The following USP13 variants were observed in gnomAD, a reference collection of about 807,000 sequenced individuals.
The protein encoded by USP13 is ubiquitin specific peptidase 13.
USP13 carries 68 observed loss-of-function variants against 107.8 expected under a neutral mutation model. The ratio of observed to expected loss-of-function variants is 0.63; its 90% CI spans 0.52 to 0.77. USP13 has a LOEUF of 0.77. Ranked by LOEUF, USP13 falls within the 30% of genes least tolerant of loss-of-function variation. USP13 has a pLI of 0.00. For synonymous variants in USP13, 377 were observed against 389.5 expected, an observed-to-expected ratio of 0.97 and a Z score of 0.38; for missense variants, 945 against 1,093.3, an observed-to-expected ratio of 0.86 and a Z score of 1.91.
chr3:179,785,101 T>C lies in USP13; in HGVS notation c.*960T>C, dbSNP rs1424775924. 1 of 152,194 alleles carries C rather than the reference T, an allele frequency of 6.6e-6. No homozygotes were observed. Among genetic ancestry groups the C allele is most frequent in the East Asian group, 1.9e-4 (1 of 5,200 alleles). 9.4% of individuals were successfully genotyped at this position (152,194 alleles called of 1,614,324 possible). ...CTTTCCCCAAAAGGTATGGTGTTTATTTTTAGTAAAAATAGCTAATCTCTT... is the reference window on the plus strand; with the variant it reads ...CTTTCCCCAAAAGGTATGGTGTTTACTTTTAGTAAAAATAGCTAATCTCTT... On this transcript the variant is annotated 3_prime_UTR_variant, in exon 21 of 21. Coordinates refer to ENST00000263966, the MANE Select transcript of USP13 (RefSeq NM_003940.3).
chr3:179,774,994 C>T (rs1466629125), intron 19 of USP13, among the ~76,000 whole-genome samples: 1 of 152,010 alleles, frequency 6.6e-6, no homozygotes, highest in Non-Finnish European at 1.5e-5. Context: ...CGTTTACAAA[C>T]CTTGAGCTAG....
chr3:179,655,203 T>G (rs1447012131), intron 1 of USP13, among the ~76,000 whole-genome samples: 2 of 152,216 alleles, frequency 1.3e-5, no homozygotes. Flanking sequence ...TCCCCATGTT[T>G]TGATTTGGGC....
rs1560079277 is a variant in USP13 at position 179,764,215 on chromosome 3, G to C, written c.2259+47G>C. 2.0e-6 allele frequency: 3 copies of C among 1,465,138 alleles called. No individual in the cohort carries two copies. The Admixed American group carries it at 6.4e-5, about 31-fold the overall frequency. The allele number at this position is 1,465,138 out of a possible 1,614,324, so 90.8% of individuals were successfully genotyped here. A position where few individuals can be genotyped will look rare whatever the true frequency, so the allele number is the denominator to read the frequency against. ...TGTGTGTGTGTGTGTGTGTGTGTGTGAATTTATTTCTGTAGCAGTTGAGAC... is the reference window on the plus strand; with the variant it reads ...TGTGTGTGTGTGTGTGTGTGTGTGTCAATTTATTTCTGTAGCAGTTGAGAC... On this transcript the variant is annotated intron_variant, in intron 18 of 20. Transcript: ENST00000263966.
chr3:179,684,312 C>CAT (rs1348242757), intron 2 of USP13, among the ~76,000 whole-genome samples: 1 of 141,672 alleles, frequency 7.1e-6, no homozygotes, highest in Non-Finnish European at 1.5e-5. Flanking sequence ...CACACACACA[C>CAT]ATTTTGTTTG....
At chr3:179,758,992 T>G (rs1714910364) in intron 16 of USP13, among the ~76,000 whole-genome samples, 1 of 151,708 alleles carries the variant, frequency 6.6e-6, no homozygotes, top group South Asian at 2.1e-4. Context: ...ACACATTTCT[T>G]TTTTTTTGAG....
intron 8 of USP13, among the ~76,000 whole-genome samples, chr3:179,723,651 A>T (rs1286303634): frequency 6.6e-6 from 1 of 152,192 alleles, no homozygotes; most frequent in Non-Finnish European, 1.5e-5. Context: ...TATATTACTA[A>T]TATTTTACAT....
Position 179,653,409 on chromosome 3 carries a change from C to A in USP13, c.168+16C>A. 1 of 1,548,876 alleles carries A rather than the reference C, an allele frequency of 6.5e-7. No individual in the cohort carries two copies. Among genetic ancestry groups the A allele is most frequent in the Non-Finnish European group, 8.7e-7 (1 of 1,145,200 alleles). The stretch of plus-strand genomic sequence containing the variant: ...CGACTCTCCCGTAAGTGAGGCGCCT[C>A]GGGGGAGGGTCGCGGGGCCGGCGGC... On this transcript the variant is annotated intron_variant, in intron 1 of 20. Transcript: ENST00000263966. This position sits in a 1 kb window ranked among gnomAD's most constrained non-coding sequence, Gnocchi z 4.0.
At position 179,789,004 on chromosome 3, in the gene USP13, C is replaced by G. The variant is rs1271682913; in HGVS notation, c.*4863C>G. ...TTCAGCTTTGCCTGGGAGCTGCTAC[C>G]TTTGCTCTTCTAGCATCTTCTAGGT... On this transcript the variant is annotated 3_prime_UTR_variant, in exon 21 of 21. Transcript: ENST00000263966. 6.6e-6 allele frequency: 1 copy of G among 152,194 alleles called. No homozygotes were observed. The highest frequency in any genetic ancestry group is 1.5e-5 in the Non-Finnish European group (1 of 68,050). 9.4% of individuals were successfully genotyped at this position (152,194 alleles called of 1,614,324 possible).
At chr3:179,702,401 G>A (rs1161469868) in intron 4 of USP13, among the ~76,000 whole-genome samples, 4 of 152,164 alleles carry the variant, frequency 2.6e-5, no homozygotes, top group Non-Finnish European at 5.9e-5. Context: ...GTGGGGCCAG[G>A]GTGGGTTGAG....
intron 1 of USP13, among the ~76,000 whole-genome samples, chr3:179,670,981 A>C (rs1383507374): frequency 1.3e-5 from 2 of 151,920 alleles, no homozygotes; most frequent in Non-Finnish European, 2.9e-5. Flanking sequence ...ACAGGTGTGA[A>C]CCACCATGTC....
chr3:179,779,767 C>T (rs1185257698), intron 19 of USP13, among the ~76,000 whole-genome samples: 3 of 150,084 alleles, frequency 2.0e-5, no homozygotes, highest in Admixed American at 2.0e-4. Context: ...AAAAAAACCA[C>T]TCTGGCAGCT....
At chr3:179,778,320 T>G (rs1715616862) in intron 19 of USP13, among the ~76,000 whole-genome samples, 1 of 152,224 alleles carries the variant, frequency 6.6e-6, no homozygotes, top group African/African-American at 2.4e-5. Context: ...ATTTATACAT[T>G]TAACAGATAC....
At chr3:179,690,342 G>A (rs1221516156) in intron 3 of USP13, 41 bp downstream of exon 3, 1 of 1,569,410 alleles carries the variant, frequency 6.4e-7, no homozygotes, top group South Asian at 1.1e-5. Flanking sequence ...TTGTGTTTGT[G>A]TGTGTGTATA....
intron 1 of USP13, among the ~76,000 whole-genome samples, chr3:179,663,064 C>G (rs1396086465): frequency 2.0e-5 from 3 of 152,184 alleles, no homozygotes; most frequent in Non-Finnish European, 4.4e-5. Context: ...CACTGTTTTG[C>G]AGTTATCACC....
chr3:179,653,534 C>G lies in USP13; in HGVS notation c.168+141C>G. 8.2e-7 allele frequency: 1 copy of G among 1,215,338 alleles called. No homozygotes were observed. Among genetic ancestry groups the G allele is most frequent in the Non-Finnish European group, 1.1e-6 (1 of 886,688 alleles). 75.3% of individuals were successfully genotyped at this position (1,215,338 alleles called of 1,614,324 possible). A position where few individuals can be genotyped will look rare whatever the true frequency, so the allele number is the denominator to read the frequency against. ...TTGGCTCAGGAACACTGCAGTTCGG[C>G]AGACACTTAGTGAGCGCCCCAGGGC... On this transcript the variant is annotated intron_variant, in intron 1 of 20. Transcript: ENST00000263966. The surrounding 1 kb of genome is among the most constrained non-coding windows in gnomAD (Gnocchi z 4.0).
intron 12 of USP13, 111 bp from the exon 13 acceptor site, chr3:179,744,932 G>A: frequency 3.7e-6 from 5 of 1,348,172 alleles, no homozygotes; most frequent in Non-Finnish European, 2.0e-6. Context: ...CGACAAATAA[G>A]CAACTCTGGC....
chr3:179,702,877 G>A (rs78954147), intron 4 of USP13, among the ~76,000 whole-genome samples: 3,175 of 152,154 alleles, frequency 0.021, 120 homozygotes, highest in African/African-American at 0.073. Context: ...TTACTGCCTT[G>A]TTTAATATAA....
In USP13 at chr3:179,763,983, G is replaced by A. The variant is rs959665913; in HGVS notation, c.2093-19G>A. 1 of 1,587,958 alleles carries A rather than the reference G, an allele frequency of 6.3e-7. No homozygotes were observed. Among genetic ancestry groups the A allele is most frequent in the Admixed American group, 1.9e-5 (1 of 52,228 alleles). On this transcript the variant is annotated intron_variant, in intron 17 of 20. Coordinates refer to ENST00000263966, the MANE Select transcript of USP13 (RefSeq NM_003940.3). ...AAAAAAAAAAAAGGAAAAGACTTGG[G>A]TGTGGTTATTTTTCTCAGATTTTGC... is the stretch of plus-strand genomic sequence containing the variant.
rs148189953 is a variant in USP13, at chr3:179,765,532, G to A, written c.2260-163G>A. The stretch of plus-strand genomic sequence containing the variant: ...TTGCAGAATGCCATGCCAACTGAAC[G>A]TGCCTGTCATGCGGAGTCAGAGCTT... On this transcript the variant is annotated intron_variant, in intron 18 of 20. Transcript: ENST00000263966. 1.1e-3 allele frequency among the ~76,000 whole-genome samples: 167 copies of A among 152,310 alleles called. 2 individuals are homozygous for A. The highest frequency in any genetic ancestry group is 3.7e-3 in the African/African-American group (155 of 41,568).
Sources: allele counts gnomAD v4.1 joint callset (sites outside exome capture counted in the v4.1 genomes callset), GRCh38; gene constraint gnomAD v4.1.1; non-coding constraint Gnocchi (gnomAD v3.1); transcripts MANE v1.5; gene names NCBI Gene and HGNC (gene_info 2026-07-23, HGNC 2026-07-21).